Variants in CTNND2 observed in about 807,000 individuals in gnomAD.
CTNND2 encodes the protein catenin delta 2.
CTNND2 carries 22 observed loss-of-function variants against 144.4 expected under a neutral mutation model. The ratio of observed to expected loss-of-function variants is 0.15; its 90% CI spans 0.11 to 0.22. The LOEUF (loss-of-function observed/expected upper bound fraction) is 0.22, where lower values mean the gene tolerates loss of function less well. Ranked by LOEUF, CTNND2 falls within the 10% of genes least tolerant of loss-of-function variation. The probability of loss-of-function intolerance (pLI) is 1.00; values close to 1 mark genes in which losing one functional copy is unlikely to be tolerated. For missense variants in CTNND2, 1,353 were observed against 1,618.8 expected (o/e 0.84, Z 2.82); for synonymous variants, 751 against 695.6 (o/e 1.08, Z -1.25).
chr5:11,462,312 C>G (rs1477970628), intron 3 of CTNND2, among the ~76,000 whole-genome samples: 1 of 152,142 alleles, frequency 6.6e-6, no homozygotes, highest in Non-Finnish European at 1.5e-5. Flanking sequence ...GGGGGAGCTG[C>G]CCTCTCTCCT....
chr5:11,399,280 A>G (rs944150293), intron 5 of CTNND2, among the ~76,000 whole-genome samples: 9 of 152,216 alleles, frequency 5.9e-5, no homozygotes, highest in African/African-American at 1.9e-4. Context: ...AAAGAAGGTT[A>G]AAGCAGATAC....
intron 9 of CTNND2, among the ~76,000 whole-genome samples, chr5:11,273,386 G>A (rs888644007): frequency 6.6e-6 from 1 of 152,158 alleles, no homozygotes; most frequent in African/African-American, 2.4e-5. Flanking sequence ...TATGAGTCAC[G>A]CTGCCTTCAG....
chr5:11,636,744 A>C (rs1781727808), intron 2 of CTNND2, among the ~76,000 whole-genome samples: 1 of 152,210 alleles, frequency 6.6e-6, no homozygotes, highest in African/African-American at 2.4e-5. Context: ...AAGTGCAACC[A>C]TTTGGAGCAG....
At chr5:11,721,107 T>A (rs1055989374) in intron 2 of CTNND2, among the ~76,000 whole-genome samples, 1 of 152,144 alleles carries the variant, frequency 6.6e-6, no homozygotes, top group African/African-American at 2.4e-5. Flanking sequence ...ATGAGGTGTA[T>A]CCATACAGTG....
chr5:10,993,980 C>G (rs1399168663), intron 18 of CTNND2, among the ~76,000 whole-genome samples: 1 of 151,334 alleles, frequency 6.6e-6, no homozygotes, highest in Non-Finnish European at 1.5e-5. Context: ...AAAGTGGGAA[C>G]AGGGGCTGGG....
chr5:11,903,930 G>A lies in CTNND2; in HGVS notation c.-77C>T. On this transcript the variant is annotated 5_prime_UTR_variant, in exon 1 of 22. Coordinates refer to ENST00000304623, the MANE Select transcript of CTNND2 (RefSeq NM_001332.4). The surrounding 1 kb of genome is among the most constrained non-coding windows in gnomAD (Gnocchi z 5.4). Reference sequence around the variant, plus strand: ...CCGCCCGGCTTCAGGGCAAGGTCCTGACCTTGCCCAACTGCAGCATCTTCC... The same window carrying A: ...CCGCCCGGCTTCAGGGCAAGGTCCTAACCTTGCCCAACTGCAGCATCTTCC... 7 of 1,339,282 alleles carry A rather than the reference G, an allele frequency of 5.2e-6. No homozygotes were observed. Among genetic ancestry groups the A allele is most frequent in the Non-Finnish European group, 6.7e-6 (7 of 1,047,410 alleles). 83.0% of individuals were successfully genotyped at this position (1,339,282 alleles called of 1,614,324 possible).
chr5:11,466,298 T>C (rs1034781253), intron 3 of CTNND2, among the ~76,000 whole-genome samples: 1 of 152,180 alleles, frequency 6.6e-6, no homozygotes, highest in Non-Finnish European at 1.5e-5. Context: ...CAAAAGACTG[T>C]TCCATTGTAC....
intron 1 of CTNND2, among the ~76,000 whole-genome samples, chr5:11,734,366 G>A (rs918253654): frequency 6.6e-6 from 1 of 152,182 alleles, no homozygotes; most frequent in Non-Finnish European, 1.5e-5. Flanking sequence ...TAGTGAGAGG[G>A]ACCAGGTGGG....
At chr5:11,455,837 T>G (rs1401756074) in intron 3 of CTNND2, among the ~76,000 whole-genome samples, 1 of 152,212 alleles carries the variant, frequency 6.6e-6, no homozygotes, top group Non-Finnish European at 1.5e-5. Context: ...GAGCATTTTG[T>G]TTTCCATCCG....
intron 2 of CTNND2, among the ~76,000 whole-genome samples, chr5:11,605,095 A>T (rs184731616): frequency 4.6e-5 from 7 of 152,326 alleles, no homozygotes; most frequent in Admixed American, 4.6e-4. Flanking sequence ...CGTACAGTTC[A>T]AGAGAAGATT....
intron 11 of CTNND2, among the ~76,000 whole-genome samples, chr5:11,175,260 C>G (rs1760364114): frequency 1.3e-5 from 2 of 151,864 alleles, no homozygotes; most frequent in Admixed American, 1.3e-4. Flanking sequence ...CTCAAGTTTT[C>G]TAGATGAACA....
intron 9 of CTNND2, among the ~76,000 whole-genome samples, chr5:11,322,797 A>AT (rs1269085128): frequency 3.3e-5 from 5 of 152,280 alleles, no homozygotes; most frequent in East Asian, 1.9e-4. Flanking sequence ...ACATGCATGT[A>AT]TTTTTTTAAA....
chr5:11,158,786 A>T (rs1758471705), intron 12 of CTNND2, among the ~76,000 whole-genome samples: 1 of 152,202 alleles, frequency 6.6e-6, no homozygotes, highest in Non-Finnish European at 1.5e-5. Context: ...AATATAGATT[A>T]TTTGGCTAGG....
intron 9 of CTNND2, among the ~76,000 whole-genome samples, chr5:11,312,641 A>T (rs547453292): frequency 1.1e-5 from 1 of 89,050 alleles, no homozygotes; most frequent in East Asian, 3.2e-4. Flanking sequence ...CAGCCAAACC[A>T]TATCACTCCC....
At chr5:11,868,399 A>C (rs942789973) in intron 1 of CTNND2, among the ~76,000 whole-genome samples, 3 of 152,186 alleles carry the variant, frequency 2.0e-5, no homozygotes, top group Non-Finnish European at 4.4e-5. Context: ...ACTGAAAGTA[A>C]ATTAATCAAA....
chr5:11,784,099 G>A (rs1790703990), intron 1 of CTNND2, among the ~76,000 whole-genome samples: 1 of 152,172 alleles, frequency 6.6e-6, no homozygotes, highest in Non-Finnish European at 1.5e-5. Flanking sequence ...GGAATAAGCT[G>A]ACTTTTTGTT....
At chr5:11,355,158 A>G (rs1755730412) in intron 8 of CTNND2, among the ~76,000 whole-genome samples, 1 of 152,188 alleles carries the variant, frequency 6.6e-6, no homozygotes, top group Non-Finnish European at 1.5e-5. Flanking sequence ...ATTTCTAATA[A>G]ACAACCTAAA....
intron 1 of CTNND2, among the ~76,000 whole-genome samples, chr5:11,860,586 A>G (rs572014455): frequency 6.6e-6 from 1 of 152,338 alleles, no homozygotes; most frequent in African/African-American, 2.4e-5. Context: ...ACATGCCTTT[A>G]CTGCTTATAA....
At chr5:11,212,686 C>T (rs911925790) in intron 10 of CTNND2, among the ~76,000 whole-genome samples, 1 of 152,216 alleles carries the variant, frequency 6.6e-6, no homozygotes, top group African/African-American at 2.4e-5. Context: ...CTCTGGTCAA[C>T]AGGCCCTGAT....
Sources: gnomAD v4.1 joint callset for allele counts (sites outside exome capture counted in the v4.1 genomes callset) on GRCh38, gnomAD v4.1.1 for gene constraint, Gnocchi (gnomAD v3.1) non-coding constraint, MANE v1.5 for transcripts, NCBI Gene and HGNC (gene_info 2026-07-23, HGNC 2026-07-21) for gene names.